Variants in GRID2 observed in about 807,000 individuals in gnomAD.
GRID2 encodes glutamate receptor ionotropic, delta-2.
Under a neutral mutation model 114.8 loss-of-function variants are expected in GRID2, and 33 were observed. The observed-to-expected ratio is 0.29, with a 90% CI of 0.22 to 0.38. GRID2 has a LOEUF of 0.38. GRID2 is among the 10% of genes least tolerant of loss of function. The pLI is 1.00. For missense variants in GRID2, 1,184 were observed against 1,257.7 expected (o/e 0.94, Z 0.89); for synonymous variants, 505 against 449.9 (o/e 1.12, Z -1.55).
intron 13 of GRID2, among the ~76,000 whole-genome samples, chr4:93,622,857 T>C (rs1742335740): frequency 6.6e-6 from 1 of 152,222 alleles, no homozygotes; most frequent in Non-Finnish European, 1.5e-5. Context: ...ATTTGCTTCC[T>C]TTACCTTTAT....
chr4:93,181,239 A>G (rs984547420), intron 4 of GRID2, among the ~76,000 whole-genome samples: 2 of 152,168 alleles, frequency 1.3e-5, no homozygotes, highest in Non-Finnish European at 2.9e-5. Flanking sequence ...TGTGTTGTCA[A>G]TAAAGAGTAA....
chr4:93,182,469 AAG>A (rs1409787336), intron 4 of GRID2, among the ~76,000 whole-genome samples: 13 of 152,324 alleles, frequency 8.5e-5, no homozygotes, highest in Non-Finnish European at 1.0e-4. Context: ...ATCAAATTAG[AAG>A]AGAGTGATCA....
At chr4:93,181,923 G>T (rs915114028) in intron 4 of GRID2, among the ~76,000 whole-genome samples, 2 of 152,044 alleles carry the variant, frequency 1.3e-5, no homozygotes, top group African/African-American at 4.8e-5. Flanking sequence ...TGTAAGAATA[G>T]AATTATTTCC....
At chr4:92,637,664 C>T (rs1298861686) in intron 2 of GRID2, among the ~76,000 whole-genome samples, 2 of 151,952 alleles carry the variant, frequency 1.3e-5, no homozygotes, top group African/African-American at 2.4e-5. Flanking sequence ...TATTGAACTC[C>T]TATACATCTT....
intron 2 of GRID2, among the ~76,000 whole-genome samples, chr4:92,980,186 T>G (rs2149186047): frequency 6.6e-6 from 1 of 152,258 alleles, no homozygotes; most frequent in South Asian, 2.1e-4. Context: ...ACATTTGATT[T>G]ATTAGTTTTG....
intron 1 of GRID2, among the ~76,000 whole-genome samples, chr4:92,475,150 TAATAAA>T (rs894103151): frequency 1.4e-5 from 2 of 138,644 alleles, no homozygotes; most frequent in Non-Finnish European, 3.3e-5. Flanking sequence ...ATAATAATAA[TAATAAA>T]AAGCTTTTTA....
chr4:93,630,396 CAATA>C (rs1743139313), intron 14 of GRID2, among the ~76,000 whole-genome samples: 1 of 152,092 alleles, frequency 6.6e-6, no homozygotes, highest in African/African-American at 2.4e-5. Flanking sequence ...CTTCATTGTG[CAATA>C]AATAAAGTTA....
At chr4:92,553,691 G>A (rs546811075) in intron 1 of GRID2, among the ~76,000 whole-genome samples, 18 of 150,826 alleles carry the variant, frequency 1.2e-4, no homozygotes, top group East Asian at 8.2e-4. Context: ...TCTCTCTGTC[G>A]CCCAGGCTGG....
At chr4:93,072,738 A>G (rs899748726) in intron 2 of GRID2, among the ~76,000 whole-genome samples, 11 of 152,278 alleles carry the variant, frequency 7.2e-5, no homozygotes, top group African/African-American at 2.6e-4. Context: ...TCATTAATTC[A>G]TAAGGTAAAC....
At chr4:92,932,851 A>T (rs867975452) in intron 2 of GRID2, among the ~76,000 whole-genome samples, 1 of 151,318 alleles carries the variant, frequency 6.6e-6, no homozygotes, top group Non-Finnish European at 1.5e-5. Flanking sequence ...TATGTATGTG[A>T]TCTGATTTAT....
At chr4:93,653,359 C>T (rs1340583215) in intron 14 of GRID2, among the ~76,000 whole-genome samples, 2 of 152,158 alleles carry the variant, frequency 1.3e-5, no homozygotes, top group African/African-American at 4.8e-5. Context: ...GCAACTTCTC[C>T]TAAGGCACCT....
At chr4:92,526,730 GCACA>G (rs71300746) in intron 1 of GRID2, among the ~76,000 whole-genome samples, 1 of 149,664 alleles carries the variant, frequency 6.7e-6, no homozygotes, top group African/African-American at 2.4e-5. Flanking sequence ...TTGGCCACAT[GCACA>G]CACACACACA....
Position 93,273,839 on chromosome 4 carries a change from A to C in GRID2, c.1245+35349A>C, listed in dbSNP as rs185521930. 2.1e-3 allele frequency among the ~76,000 whole-genome samples: 322 copies of C among 152,278 alleles called. 2 individuals carry two copies. The highest frequency in any genetic ancestry group is 7.1e-3 in the African/African-American group (297 of 41,568). On this transcript the variant is annotated intron_variant, in intron 8 of 15. Transcript: ENST00000282020. Reference sequence around the variant, plus strand: ...ACCTCAGAGAACTGCAAGGAACTGAATTCTACCAACAATTGCAATTATCAA... The same window carrying C: ...ACCTCAGAGAACTGCAAGGAACTGACTTCTACCAACAATTGCAATTATCAA...
intron 14 of GRID2, among the ~76,000 whole-genome samples, chr4:93,717,830 A>G (rs957368646): frequency 1.3e-5 from 2 of 152,214 alleles, no homozygotes; most frequent in Non-Finnish European, 2.9e-5. Context: ...AAGGGTTAAA[A>G]CAAGTCAACC....
At chr4:93,166,771 T>G (rs1029928672) in intron 4 of GRID2, among the ~76,000 whole-genome samples, 2 of 152,130 alleles carry the variant, frequency 1.3e-5, no homozygotes, top group Admixed American at 1.3e-4. Context: ...GTGCTTGGTC[T>G]GAGGCTTTTC....
At chr4:93,530,134 G>A (rs1731300984) in intron 13 of GRID2, among the ~76,000 whole-genome samples, 1 of 151,884 alleles carries the variant, frequency 6.6e-6, no homozygotes, top group South Asian at 2.1e-4. Flanking sequence ...TTCCAATTTA[G>A]TAATTCATGT....
At chr4:92,315,327 G>A (rs1725910985) in intron 1 of GRID2, among the ~76,000 whole-genome samples, 2 of 152,080 alleles carry the variant, frequency 1.3e-5, no homozygotes, top group South Asian at 2.1e-4. Context: ...TGTAAATATG[G>A]AATATTTGAA....
intron 2 of GRID2, among the ~76,000 whole-genome samples, chr4:92,875,425 A>C (rs1439600758): frequency 6.6e-6 from 1 of 152,050 alleles, no homozygotes; most frequent in Non-Finnish European, 1.5e-5. Flanking sequence ...CAGCCTTCCA[A>C]AGTGGTGGGA....
At chr4:93,312,160 C>G (rs1756086904) in intron 8 of GRID2, among the ~76,000 whole-genome samples, 1 of 152,106 alleles carries the variant, frequency 6.6e-6, no homozygotes, top group African/African-American at 2.4e-5. Context: ...AATCAGCAAA[C>G]AGCAGGCACA....
Sources: gnomAD v4.1 joint callset for allele counts (sites outside exome capture counted in the v4.1 genomes callset) on GRCh38, gnomAD v4.1.1 for gene constraint, MANE v1.5 for transcripts, NCBI Gene and HGNC (gene_info 2026-07-23, HGNC 2026-07-21) for gene names.